The following CCDC102B variants were observed in gnomAD, a reference collection of about 807,000 sequenced individuals.
CCDC102B encodes the protein coiled-coil domain containing 102B.
CCDC102B carries 75 observed loss-of-function variants against 57.4 expected under a neutral mutation model. The observed-to-expected ratio is 1.31, with a 90% CI of 1.08 to 1.58. The LOEUF (loss-of-function observed/expected upper bound fraction) is 1.58, where lower values mean the gene tolerates loss of function less well. CCDC102B is among the 40% of genes most tolerant of loss of function. The pLI is 0.00. For synonymous variants in CCDC102B, 206 were observed against 201.9 expected (o/e 1.02, Z -0.17); for missense variants, 636 against 582.6 (o/e 1.09, Z -0.94).
At chr18:68,779,195 T>C (rs969499904) in intron 2 of CCDC102B, among the ~76,000 whole-genome samples, 3 of 152,102 alleles carry the variant, frequency 2.0e-5, no homozygotes, top group Admixed American at 2.0e-4. Flanking sequence ...TTTATGTGCA[T>C]ACACACGTGT....
chr18:68,736,945 C>T (rs182674342), intron 2 of CCDC102B, among the ~76,000 whole-genome samples: 3 of 151,984 alleles, frequency 2.0e-5, no homozygotes, highest in East Asian at 3.9e-4. Context: ...TTCAGGTGCT[C>T]GACAGGTGTG....
chr18:68,939,931 G>A (rs62095027), intron 6 of CCDC102B, among the ~76,000 whole-genome samples: 18,395 of 151,776 alleles, frequency 0.12, 1,203 homozygotes, highest in African/African-American at 0.15. Context: ...TCTGTTAGGT[G>A]CTTTTGCCTG....
chr18:68,792,354 A>G (rs2035489468), intron 2 of CCDC102B, among the ~76,000 whole-genome samples: 1 of 152,224 alleles, frequency 6.6e-6, no homozygotes, highest in African/African-American at 2.4e-5. Context: ...GAGCCTAAGT[A>G]GTGGATGCCA....
intron 5 of CCDC102B, among the ~76,000 whole-genome samples, chr18:68,888,138 A>G (rs1275663956): frequency 6.6e-6 from 1 of 152,330 alleles, no homozygotes; most frequent in African/African-American, 2.4e-5. Context: ...TTAAAAATAT[A>G]CTTTTTTTAA....
At chr18:68,856,215 A>G (rs536799112) in intron 4 of CCDC102B, among the ~76,000 whole-genome samples, 2 of 152,336 alleles carry the variant, frequency 1.3e-5, no homozygotes, top group South Asian at 2.1e-4. Context: ...TAATTAAGAA[A>G]TAAATTATGT....
Position 68,816,962 on chromosome 18 carries a change from C to A in CCDC102B, c.-16+18781C>A, listed in dbSNP as rs546373447. Among the ~76,000 whole-genome samples the A allele has an allele frequency of 3.3e-5, 5 of 152,324 alleles. No homozygotes were observed. In the South Asian group the frequency reaches 1.0e-3, roughly 32 times the overall value. Reference sequence around the variant, plus strand: ...TATGCTATGATTCACACAACATATTCTTGTCTGCTCCATTGTTCTGCATTG... The same window carrying A: ...TATGCTATGATTCACACAACATATTATTGTCTGCTCCATTGTTCTGCATTG... On this transcript the variant is annotated intron_variant, in intron 1 of 7. Transcript: ENST00000360242.
chr18:69,007,127 A>G (rs1354918696), intron 6 of CCDC102B, among the ~76,000 whole-genome samples: 1 of 152,158 alleles, frequency 6.6e-6, no homozygotes, highest in East Asian at 1.9e-4. Context: ...ATCACTTTAA[A>G]CTGATTTTAT....
At chr18:68,991,123 CTTTTT>C (rs11368924) in intron 6 of CCDC102B, among the ~76,000 whole-genome samples, 9 of 136,270 alleles carry the variant, frequency 6.6e-5, no homozygotes, top group Non-Finnish European at 1.2e-4. Flanking sequence ...GGCCCTTCTG[CTTTTT>C]TTTTTTTTTT....
At chr18:68,983,387 G>C (rs1214551930) in intron 6 of CCDC102B, among the ~76,000 whole-genome samples, 1 of 151,944 alleles carries the variant, frequency 6.6e-6, no homozygotes, top group East Asian at 1.9e-4. Context: ...AGGTCTTAAT[G>C]GACCAAATAG....
At chr18:68,991,325 G>A (rs1028683911) in intron 6 of CCDC102B, among the ~76,000 whole-genome samples, 6 of 152,222 alleles carry the variant, frequency 3.9e-5, no homozygotes, top group Admixed American at 1.3e-4. Flanking sequence ...GTAAAAGGCT[G>A]ATTTATCAAA....
intron 7 of CCDC102B, among the ~76,000 whole-genome samples, chr18:69,018,556 T>G (rs2051735839): frequency 6.6e-6 from 1 of 152,170 alleles, no homozygotes; most frequent in Non-Finnish European, 1.5e-5. Flanking sequence ...CAAATACCTC[T>G]TGACTGTTTA....
intron 4 of CCDC102B, among the ~76,000 whole-genome samples, chr18:68,854,373 T>TA (rs1202408213): frequency 6.6e-6 from 1 of 152,196 alleles, no homozygotes; most frequent in Non-Finnish European, 1.5e-5. Context: ...GGGCAGGGAT[T>TA]ACAGGCGTGA....
chr18:68,727,346 A>G (rs569378659), intron 2 of CCDC102B, among the ~76,000 whole-genome samples: 4 of 152,348 alleles, frequency 2.6e-5, no homozygotes, highest in African/African-American at 9.6e-5. Context: ...TTTTAAAGAC[A>G]GTTACTAGAT....
At chr18:68,998,088 G>A (rs186403443) in intron 6 of CCDC102B, among the ~76,000 whole-genome samples, 1 of 152,008 alleles carries the variant, frequency 6.6e-6, no homozygotes, top group African/African-American at 2.4e-5. Flanking sequence ...CAATTAGGGT[G>A]ATTTTCCATC....
At chr18:68,836,694 C>G (rs1473199821) in intron 1 of CCDC102B, 55 bp from the exon 2 acceptor site, 3 of 1,103,462 alleles carry the variant, frequency 2.7e-6, no homozygotes, top group Non-Finnish European at 3.7e-6. Context: ...AGGTCTTGTT[C>G]CTGTATTTAC....
Position 68,836,917 on chromosome 18 carries a change from C to A in CCDC102B, c.154C>A (p.His52Asn). 6.2e-7 allele frequency: 1 copy of A among 1,614,164 alleles called. No homozygotes were observed. The change falls in exon 2 of 8, where the codon CAT (histidine) becomes AAT (asparagine). Residue 52 changes from histidine to asparagine, a missense_variant. Coordinates refer to ENST00000360242, the MANE Select transcript of CCDC102B (RefSeq NM_024781.3). ...CTTCCCACTTCATGGGCTACAATCT[C>A]ATGCTGCTCACAATTTCTGTGCTCA... ...TCFPLHGLQS[H>N]AAHNFCAHSY...
At chr18:68,806,700 TTAAAG>T (rs1490190806) in intron 1 of CCDC102B, among the ~76,000 whole-genome samples, 1 of 152,152 alleles carries the variant, frequency 6.6e-6, no homozygotes, top group Non-Finnish European at 1.5e-5. Flanking sequence ...CATTTGCAAT[TTAAAG>T]TAGCTACATT....
At chr18:68,933,099 A>ACC (rs1568338239) in intron 6 of CCDC102B, among the ~76,000 whole-genome samples, 2 of 150,188 alleles carry the variant, frequency 1.3e-5, no homozygotes, top group Admixed American at 6.6e-5. Context: ...ACTCCTCATA[A>ACC]AAAAAAAAAT....
intron 6 of CCDC102B, among the ~76,000 whole-genome samples, chr18:68,991,385 T>G (rs981612521): frequency 7.2e-5 from 11 of 152,212 alleles, no homozygotes; most frequent in Non-Finnish European, 1.5e-4. Flanking sequence ...CCTGAACATT[T>G]GTAACTTGTG....
Sources: allele counts gnomAD v4.1 joint callset (sites outside exome capture counted in the v4.1 genomes callset), GRCh38; gene constraint gnomAD v4.1.1; transcripts MANE v1.5; gene names NCBI Gene and HGNC (gene_info 2026-07-23, HGNC 2026-07-21).